Variants in SLC25A21 observed in about 807,000 individuals in gnomAD.
The protein encoded by SLC25A21 is solute carrier family 25 member 21.
Under a neutral mutation model 43.8 loss-of-function variants are expected in SLC25A21, and 47 were observed. The observed-to-expected ratio is 1.07, with a 90% CI of 0.85 to 1.37. The LOEUF (loss-of-function observed/expected upper bound fraction) is 1.37, where lower values mean the gene tolerates loss of function less well. Ranked by LOEUF, SLC25A21 falls within the 40% of genes most tolerant of loss-of-function variation. The pLI is 0.00. For synonymous variants in SLC25A21, 131 were observed against 121.3 expected, an observed-to-expected ratio of 1.08 and a Z score of -0.52; for missense variants, 352 against 350.2, an observed-to-expected ratio of 1.00 and a Z score of -0.04.
intron 1 of SLC25A21, among the ~76,000 whole-genome samples, chr14:36,946,869 G>A (rs996328916): frequency 6.6e-6 from 1 of 152,044 alleles, no homozygotes; most frequent in Non-Finnish European, 1.5e-5. Flanking sequence ...CTCAGACCAT[G>A]TTTTAATATT....
rs963223277 is a variant in SLC25A21, at chr14:37,028,668, T to C, written c.70+143613A>G. ...GTATGAATAAAAAATAACATTAAAG[T>C]ATTTTTGAACAACAAATATTGAAAT... On this transcript the variant is annotated intron_variant, in intron 1 of 9. Transcript: ENST00000331299. Among the ~76,000 whole-genome samples the C allele has an allele frequency of 2.0e-5, 3 of 152,198 alleles. No individual in the cohort carries two copies. The South Asian group carries it at 6.2e-4, about 31-fold the overall frequency.
intron 1 of SLC25A21, among the ~76,000 whole-genome samples, chr14:36,930,564 G>T (rs8017699): frequency 0.011 from 1,691 of 152,144 alleles, 39 homozygotes; most frequent in African/African-American, 0.039. Flanking sequence ...TTACACTAGT[G>T]TTCCTTTCTT....
At chr14:36,938,169 G>A (rs1566754017) in intron 1 of SLC25A21, among the ~76,000 whole-genome samples, 5 of 152,058 alleles carry the variant, frequency 3.3e-5, no homozygotes, top group Admixed American at 1.3e-4. Flanking sequence ...TACATATAGA[G>A]CCCTAGTGTT....
At chr14:36,943,165 T>A (rs541701567) in intron 1 of SLC25A21, among the ~76,000 whole-genome samples, 5 of 152,284 alleles carry the variant, frequency 3.3e-5, no homozygotes, top group Non-Finnish European at 7.4e-5. Context: ...TCTATTATAT[T>A]TTCCTACATA....
intron 1 of SLC25A21, among the ~76,000 whole-genome samples, chr14:37,010,189 T>C (rs145180822): frequency 2.2e-4 from 33 of 152,286 alleles, no homozygotes; most frequent in African/African-American, 7.2e-4. Context: ...GTACAGAACA[T>C]AGTAGACACT....
intron 3 of SLC25A21, among the ~76,000 whole-genome samples, chr14:36,773,989 GT>G (rs1886723602): frequency 6.6e-6 from 1 of 152,226 alleles, no homozygotes; most frequent in South Asian, 2.1e-4. Context: ...GATGTCTTGA[GT>G]TAATATGTCT....
chr14:36,764,752 G>A (rs958210104), intron 3 of SLC25A21, among the ~76,000 whole-genome samples: 2 of 152,124 alleles, frequency 1.3e-5, no homozygotes, highest in African/African-American at 4.8e-5. Flanking sequence ...TCCATCAGCA[G>A]GGGAGGCAGC....
At chr14:37,118,213 T>A (rs762394460) in intron 1 of SLC25A21, among the ~76,000 whole-genome samples, 3 of 152,160 alleles carry the variant, frequency 2.0e-5, no homozygotes, top group Non-Finnish European at 4.4e-5. Flanking sequence ...AACCTAAGAA[T>A]GGACTTTTGA....
At chr14:37,152,520 C>G (rs1485076956) in intron 1 of SLC25A21, among the ~76,000 whole-genome samples, 1 of 151,958 alleles carries the variant, frequency 6.6e-6, no homozygotes, top group African/African-American at 2.4e-5. Context: ...GCTGGGACTA[C>G]AGGCGCCTGC....
intron 2 of SLC25A21, among the ~76,000 whole-genome samples, chr14:36,834,380 C>A (rs1210578525): frequency 6.6e-6 from 1 of 152,156 alleles, no homozygotes; most frequent in Non-Finnish European, 1.5e-5. Flanking sequence ...GGGTTCAAAT[C>A]CTGGCTATGC....
intron 1 of SLC25A21, among the ~76,000 whole-genome samples, chr14:36,946,300 T>G (rs1353307808): frequency 2.6e-5 from 4 of 152,144 alleles, no homozygotes; most frequent in Non-Finnish European, 5.9e-5. Context: ...TGTTCAAGAA[T>G]TAAGTCCTCT....
chr14:36,790,827 A>G (rs1205494240), intron 3 of SLC25A21, among the ~76,000 whole-genome samples: 1 of 152,152 alleles, frequency 6.6e-6, no homozygotes, highest in African/African-American at 2.4e-5. Context: ...ACTGTTATAA[A>G]ACCACATATA....
chr14:36,811,491 A>G (rs182192972), intron 3 of SLC25A21, among the ~76,000 whole-genome samples: 8 of 152,258 alleles, frequency 5.3e-5, no homozygotes, highest in Non-Finnish European at 8.8e-5. Flanking sequence ...TCTCTACTAA[A>G]AATAAAATAA....
chr14:36,900,997 G>A (rs747994597), intron 1 of SLC25A21, among the ~76,000 whole-genome samples: 11 of 152,006 alleles, frequency 7.2e-5, no homozygotes, highest in Non-Finnish European at 1.5e-4. Context: ...TGAAATTTCC[G>A]TTCTCAAGCC....
Position 37,172,465 on chromosome 14 carries a change from C to A in SLC25A21, c.-115G>T. The A allele has an allele frequency of 9.4e-7, 1 of 1,058,442 alleles. No homozygotes were observed. The highest frequency in any genetic ancestry group is 1.4e-6 in the Non-Finnish European group (1 of 697,454). 65.6% of individuals were successfully genotyped at this position (1,058,442 alleles called of 1,614,324 possible). A position where few individuals can be genotyped will look rare whatever the true frequency, so the allele number is the denominator to read the frequency against. ...GGGCTGGTCCTCAAGCGCGTTGGCT[C>A]CCTGTGGAGCAGCAATCCGGCGACT... is the stretch of plus-strand genomic sequence containing the variant. On this transcript the variant is annotated 5_prime_UTR_variant, in exon 1 of 10. Coordinates refer to ENST00000331299, the MANE Select transcript of SLC25A21 (RefSeq NM_030631.4).
At chr14:36,753,081 G>A (rs965233959) in intron 3 of SLC25A21, among the ~76,000 whole-genome samples, 2 of 152,108 alleles carry the variant, frequency 1.3e-5, no homozygotes, top group African/African-American at 4.8e-5. Context: ...CAGTGGCCAG[G>A]GGAGAGAGGT....
At chr14:37,094,168 A>T (rs1375572415) in intron 1 of SLC25A21, among the ~76,000 whole-genome samples, 1 of 152,194 alleles carries the variant, frequency 6.6e-6, no homozygotes, top group African/African-American at 2.4e-5. Context: ...TGGAGTTTAG[A>T]CTTTAAAGAT....
At chr14:36,681,180 T>C (rs956112135) in intron 9 of SLC25A21, among the ~76,000 whole-genome samples, 4 of 152,226 alleles carry the variant, frequency 2.6e-5, no homozygotes, top group African/African-American at 7.2e-5. Flanking sequence ...TCTAGTTTTC[T>C]GTCATAGCTT....
At chr14:37,140,504 T>C (rs1302287716) in intron 1 of SLC25A21, among the ~76,000 whole-genome samples, 1 of 152,190 alleles carries the variant, frequency 6.6e-6, no homozygotes, top group African/African-American at 2.4e-5. Flanking sequence ...ATGAGGCTTA[T>C]CCTTGCCCTG....
Sources: allele counts gnomAD v4.1 joint callset (sites outside exome capture counted in the v4.1 genomes callset), GRCh38; gene constraint gnomAD v4.1.1; transcripts MANE v1.5; gene names NCBI Gene and HGNC (gene_info 2026-07-23, HGNC 2026-07-21).